The following TRHDE variants were observed in gnomAD, a reference collection of about 807,000 sequenced individuals.
TRHDE encodes thyrotropin releasing hormone degrading enzyme.
A neutral mutation model predicts 125.7 loss-of-function variants in TRHDE; 72 were observed. The observed-to-expected ratio is 0.57, with a 90% confidence interval of 0.47 to 0.70. The LOEUF (loss-of-function observed/expected upper bound fraction) is 0.70. TRHDE is among the 30% of genes least tolerant of loss of function. The probability of loss-of-function intolerance (pLI) is 0.00; values close to 1 mark genes in which losing one functional copy is unlikely to be tolerated. For missense variants in TRHDE, 1,110 were observed against 1,327.1 expected, an observed-to-expected ratio of 0.84 and a Z score of 2.54; for synonymous variants, 509 against 509.1, an observed-to-expected ratio of 1.00 and a Z score of 0.00.
At chr12:72,658,668 C>T (rs1403949295) in intron 18 of TRHDE, among the ~76,000 whole-genome samples, 1 of 152,108 alleles carries the variant, frequency 6.6e-6, no homozygotes, top group Non-Finnish European at 1.5e-5. Flanking sequence ...TAAATTTTTA[C>T]ACTTTATTTA....
chr12:72,608,420 A>G (rs1872528701), intron 12 of TRHDE, among the ~76,000 whole-genome samples: 1 of 152,202 alleles, frequency 6.6e-6, no homozygotes, highest in African/African-American at 2.4e-5. Flanking sequence ...TGTGTCAACA[A>G]TACTTCTGAA....
At chr12:72,513,229 G>T (rs1444980969) in intron 6 of TRHDE, among the ~76,000 whole-genome samples, 1 of 151,994 alleles carries the variant, frequency 6.6e-6, no homozygotes, top group African/African-American at 2.4e-5. Flanking sequence ...AAATATTTAA[G>T]AATTCAGGGC....
chr12:72,092,456 C>T (rs1874812737), intron 1 of TRHDE, among the ~76,000 whole-genome samples: 1 of 152,180 alleles, frequency 6.6e-6, no homozygotes, highest in Non-Finnish European at 1.5e-5. Flanking sequence ...TCAAACAGTA[C>T]AATCAGGATC....
At chr12:72,181,852 C>T (rs770953154) in intron 2 of TRHDE, among the ~76,000 whole-genome samples, 1 of 152,004 alleles carries the variant, frequency 6.6e-6, no homozygotes, top group African/African-American at 2.4e-5. Context: ...ATGTGCTGTC[C>T]ATGGCTGTAA....
intron 3 of TRHDE, among the ~76,000 whole-genome samples, chr12:72,391,920 AAATAGAGGGT>A (rs1872625305): frequency 6.6e-6 from 1 of 152,138 alleles, no homozygotes. Flanking sequence ...AACTGTATTG[AAATAGAGGGT>A]AACTGAGTGG....
chr12:72,205,994 C>A (rs1040483084), intron 2 of TRHDE, among the ~76,000 whole-genome samples: 4 of 151,906 alleles, frequency 2.6e-5, no homozygotes, highest in Non-Finnish European at 4.4e-5. Context: ...TTCAATTTTT[C>A]CACATCCTCA....
chr12:72,295,124 TG>T (rs1312189961), intron 2 of TRHDE, among the ~76,000 whole-genome samples: 5 of 11,938 alleles, frequency 4.2e-4, no homozygotes, highest in East Asian at 2.5e-3. Flanking sequence ...GCAGCTGTGG[TG>T]GGGGGTGGCT....
chr12:72,541,151 A>G (rs1399232941), intron 6 of TRHDE, among the ~76,000 whole-genome samples: 2 of 151,606 alleles, frequency 1.3e-5, no homozygotes, highest in African/African-American at 4.8e-5. Flanking sequence ...GAAATGAATT[A>G]TTGCAGTTGT....
chr12:72,206,592 T>C (rs1877670445), intron 2 of TRHDE, among the ~76,000 whole-genome samples: 1 of 152,212 alleles, frequency 6.6e-6, no homozygotes, highest in African/African-American at 2.4e-5. Context: ...TCAGCATGTA[T>C]AGAAAGTGCT....
chr12:72,339,138 C>A (rs1245916465), intron 2 of TRHDE, among the ~76,000 whole-genome samples: 4 of 152,110 alleles, frequency 2.6e-5, no homozygotes, highest in African/African-American at 9.7e-5. Flanking sequence ...AAAAGTCCAC[C>A]TTCTTCACAT....
intron 2 of TRHDE, among the ~76,000 whole-genome samples, chr12:72,376,611 T>C (rs1389210425): frequency 6.6e-6 from 1 of 152,230 alleles, no homozygotes; most frequent in Non-Finnish European, 1.5e-5. Flanking sequence ...AATAACTTAC[T>C]GCATTGCAGG....
chr12:72,650,523 A>T (rs756659999), intron 15 of TRHDE, among the ~76,000 whole-genome samples: 26 of 151,930 alleles, frequency 1.7e-4, no homozygotes, highest in Non-Finnish European at 3.2e-4. Context: ...GATTGGTTCT[A>T]TAGGTGATAC....
At chr12:72,215,638 A>T (rs907598655) in intron 2 of TRHDE, among the ~76,000 whole-genome samples, 2 of 152,136 alleles carry the variant, frequency 1.3e-5, no homozygotes, top group Non-Finnish European at 2.9e-5. Context: ...CTTTGTTTTC[A>T]AGGCTTATTA....
chr12:72,229,937 CAG>C (rs1205113562), intron 2 of TRHDE, among the ~76,000 whole-genome samples: 1 of 152,050 alleles, frequency 6.6e-6, no homozygotes, highest in South Asian at 2.1e-4. Flanking sequence ...AATGTGATAA[CAG>C]TATTCATTTT....
chr12:72,171,540 TAGCCTGGTATGA>T (rs2139335565), intron 2 of TRHDE, among the ~76,000 whole-genome samples: 1 of 152,284 alleles, frequency 6.6e-6, no homozygotes, highest in East Asian at 1.9e-4. Context: ...GAGAGGAGTA[TAGCCTGGTATGA>T]AAGATTGTGC....
chr12:72,193,649 A>G (rs1877381548), intron 2 of TRHDE, among the ~76,000 whole-genome samples: 1 of 152,140 alleles, frequency 6.6e-6, no homozygotes, highest in Admixed American at 6.6e-5. Flanking sequence ...TGCATGTTAG[A>G]TGGTTTCACA....
At chr12:72,381,505 C>T (rs903004630) in intron 3 of TRHDE, among the ~76,000 whole-genome samples, 9 of 150,614 alleles carry the variant, frequency 6.0e-5, no homozygotes, top group Non-Finnish European at 1.3e-4. Context: ...ACGCCATTCT[C>T]CTGCCTCAGC....
At chr12:72,182,748 C>T (rs1001295498) in intron 2 of TRHDE, among the ~76,000 whole-genome samples, 17 of 152,162 alleles carry the variant, frequency 1.1e-4, no homozygotes, top group Admixed American at 2.6e-4. Context: ...ATGCTCTTCT[C>T]AGCCTCACCA....
chr12:72,499,532 A>T lies in TRHDE; in HGVS notation c.1619A>T (p.Glu540Val). The T allele has an allele frequency of 6.2e-7, 1 of 1,613,854 alleles. No individual in the cohort carries two copies. ...KQRFLTDVLHEVMLLDGLASS... is the reference protein window; with the variant it reads ...KQRFLTDVLHVVMLLDGLASS... Reference sequence around the variant, plus strand: ...AGGTTTCTGACCGATGTTCTGCATGAAGTGATGCTGCTGGACGGTTTGGCC... The same window carrying T: ...AGGTTTCTGACCGATGTTCTGCATGTAGTGATGCTGCTGGACGGTTTGGCC... The change falls in exon 6 of 19, where the codon GAA (glutamate) becomes GTA (valine). Residue 540 changes from glutamate to valine, a missense_variant. By Grantham distance (121) the Glu-to-Val change is moderately radical. This residue lies in a region of TRHDE where 527 missense variants were observed against 651.8 expected (regional missense o/e 0.81). Transcript: ENST00000261180.
Sources: allele counts gnomAD v4.1 joint callset (sites outside exome capture counted in the v4.1 genomes callset), GRCh38; gene constraint gnomAD v4.1.1; regional missense constraint gnomAD v4.1.1; transcripts MANE v1.5; gene names NCBI Gene and HGNC (gene_info 2026-07-23, HGNC 2026-07-21).